Variants in WWOX observed in about 807,000 individuals in gnomAD.
The protein encoded by WWOX is WW domain containing oxidoreductase.
WWOX carries 69 observed loss-of-function variants against 46.2 expected under a neutral mutation model. The ratio of observed to expected loss-of-function variants is 1.49; its 90% CI spans 1.23 to 1.82. WWOX has a LOEUF of 1.82. WWOX is among the 40% of genes most tolerant of loss of function. The pLI, the probability that WWOX is intolerant of heterozygous loss-of-function variation, is 0.00. For synonymous variants in WWOX, 359 were observed against 202.6 expected (o/e 1.77, Z -6.56); for missense variants, 919 against 542.6 (o/e 1.69, Z -6.89).
intron 8 of WWOX, among the ~76,000 whole-genome samples, chr16:79,122,087 T>C (rs1400410106): frequency 2.0e-5 from 3 of 152,152 alleles, no homozygotes; most frequent in Non-Finnish European, 4.4e-5. Context: ...GGGTGTGTGC[T>C]CAGCGGGCAC....
At chr16:78,586,114 T>G (rs1317215794) in intron 8 of WWOX, among the ~76,000 whole-genome samples, 6 of 152,046 alleles carry the variant, frequency 3.9e-5, no homozygotes, top group Non-Finnish European at 8.8e-5. Context: ...CCCAACACTT[T>G]GGGAGGCTGA....
At chr16:78,478,560 G>A (rs2084409301) in intron 8 of WWOX, among the ~76,000 whole-genome samples, 1 of 150,176 alleles carries the variant, frequency 6.7e-6, no homozygotes, top group Admixed American at 6.7e-5. Context: ...GAAGCTCCAT[G>A]CCCACCTTGC....
intron 4 of WWOX, among the ~76,000 whole-genome samples, chr16:78,149,281 G>T: frequency 6.6e-6 from 1 of 152,192 alleles, no homozygotes; most frequent in East Asian, 1.9e-4. Context: ...TTTTTTACTG[G>T]TTGGAAGTAT....
At chr16:78,854,684 G>A (rs1450207836) in intron 8 of WWOX, among the ~76,000 whole-genome samples, 3 of 152,146 alleles carry the variant, frequency 2.0e-5, no homozygotes, top group African/African-American at 4.8e-5. Flanking sequence ...GGGTTCAAGT[G>A]ATTCTCCTGC....
chr16:78,901,416 C>CCT (rs2044828313), intron 8 of WWOX, among the ~76,000 whole-genome samples: 1 of 152,054 alleles, frequency 6.6e-6, no homozygotes, highest in Non-Finnish European at 1.5e-5. Flanking sequence ...TGTTCTTTTC[C>CCT]CTCTCCCCAC....
intron 8 of WWOX, among the ~76,000 whole-genome samples, chr16:78,884,105 C>T (rs1011825316): frequency 6.6e-6 from 1 of 151,620 alleles, no homozygotes; most frequent in East Asian, 1.9e-4. Flanking sequence ...ATGGTGAAAC[C>T]CTGTCTCTAC....
At chr16:78,190,720 C>T (rs1227538360) in intron 5 of WWOX, among the ~76,000 whole-genome samples, 1 of 152,130 alleles carries the variant, frequency 6.6e-6, no homozygotes, top group Admixed American at 6.5e-5. Context: ...GTATGAAACC[C>T]AGCTCATTTT....
chr16:78,110,958 T>G (rs1175605191), intron 3 of WWOX, among the ~76,000 whole-genome samples: 1 of 152,228 alleles, frequency 6.6e-6, no homozygotes, highest in African/African-American at 2.4e-5. Flanking sequence ...TGAATAGTCT[T>G]TGACAGGATT....
intron 8 of WWOX, among the ~76,000 whole-genome samples, chr16:78,540,031 C>CAA (rs1277883707): frequency 4.6e-5 from 7 of 151,436 alleles, no homozygotes; most frequent in South Asian, 4.2e-4. Flanking sequence ...CACACACACA[C>CAA]ACACACACAC....
intron 8 of WWOX, among the ~76,000 whole-genome samples, chr16:78,645,772 T>A (rs2046825090): frequency 6.6e-6 from 1 of 152,102 alleles, no homozygotes; most frequent in Non-Finnish European, 1.5e-5. Flanking sequence ...AACATGAGAT[T>A]TGGAAGCAAC....
intron 8 of WWOX, among the ~76,000 whole-genome samples, chr16:78,941,880 T>G (rs2045858847): frequency 6.6e-6 from 1 of 152,230 alleles, no homozygotes; most frequent in Non-Finnish European, 1.5e-5. Flanking sequence ...CCCACTTATT[T>G]AGGCCTTAAT....
chr16:79,123,277 G>A (rs1225977589), intron 8 of WWOX, among the ~76,000 whole-genome samples: 2 of 152,160 alleles, frequency 1.3e-5, no homozygotes, highest in African/African-American at 4.8e-5. Context: ...CTGAGCATAA[G>A]GATCTAAGTT....
chr16:78,317,602 T>TGC (rs1439410434), intron 5 of WWOX, among the ~76,000 whole-genome samples: 1 of 152,166 alleles, frequency 6.6e-6, no homozygotes, highest in Non-Finnish European at 1.5e-5. Flanking sequence ...TGTGTGTGTG[T>TGC]GCACACACTT....
intron 5 of WWOX, among the ~76,000 whole-genome samples, chr16:78,384,531 C>T (rs1341158611): frequency 6.6e-6 from 1 of 152,124 alleles, no homozygotes. Flanking sequence ...GTGACTTCAC[C>T]ACATGCCTTC....
intron 8 of WWOX, among the ~76,000 whole-genome samples, chr16:78,631,956 T>A (rs2046442519): frequency 1.4e-5 from 2 of 147,884 alleles, no homozygotes; most frequent in Non-Finnish European, 3.0e-5. Context: ...GGAGGTGGTT[T>A]ATTTTTTTTT....
Position 78,740,731 on chromosome 16 carries a change from A to T in WWOX, c.1056+307979A>T, listed in dbSNP as rs556146591. ...GTAATTGGGGCAAGGGAAGCATTCA[A>T]TTTGACACACCAAATGCAGGTCCAC... On this transcript the variant is annotated intron_variant, in intron 8 of 8. Coordinates refer to ENST00000566780, the MANE Select transcript of WWOX (RefSeq NM_016373.4). Among the ~76,000 whole-genome samples the T allele has an allele frequency of 8.6e-4, 131 of 152,258 alleles. 2 individuals are homozygous for T. In the South Asian group the frequency reaches 0.019, roughly 22 times the overall value.
At chr16:79,091,750 C>T (rs1485738457) in intron 8 of WWOX, among the ~76,000 whole-genome samples, 7 of 151,326 alleles carry the variant, frequency 4.6e-5, no homozygotes, top group African/African-American at 1.7e-4. Context: ...TGCACACACC[C>T]GACCGCATCT....
At chr16:78,728,746 A>G (rs1429809447) in intron 8 of WWOX, among the ~76,000 whole-genome samples, 2 of 152,170 alleles carry the variant, frequency 1.3e-5, no homozygotes, top group Non-Finnish European at 2.9e-5. Flanking sequence ...CAAGAGGGAA[A>G]ACAATCTTCC....
chr16:78,542,885 G>C (rs2043931999), intron 8 of WWOX, among the ~76,000 whole-genome samples: 1 of 152,316 alleles, frequency 6.6e-6, no homozygotes, highest in Admixed American at 6.5e-5. Flanking sequence ...TTGTCACAAT[G>C]TGATCCCTGA....
Sources: allele counts gnomAD v4.1 joint callset (sites outside exome capture counted in the v4.1 genomes callset), GRCh38; gene constraint gnomAD v4.1.1; transcripts MANE v1.5; gene names NCBI Gene and HGNC (gene_info 2026-07-23, HGNC 2026-07-21).